ATP2B4: variants seen among roughly 807,000 people sequenced by gnomAD.
ATP2B4 encodes the protein plasma membrane calcium-transporting ATPase 4.
In ATP2B4, 39 loss-of-function variants were observed where a neutral mutation model predicts 110.3. The observed-to-expected ratio is 0.35, with a 90% confidence interval of 0.27 to 0.46. The LOEUF is 0.46. Among genes scored for constraint, ATP2B4 ranks in the 20% least tolerant of loss-of-function variants. The pLI, the probability that ATP2B4 is intolerant of heterozygous loss-of-function variation, is 1.00. For synonymous variants in ATP2B4, 538 were observed against 571.7 expected, an observed-to-expected ratio of 0.94 and a Z score of 0.84; for missense variants, 1,135 against 1,530.9, an observed-to-expected ratio of 0.74 and a Z score of 4.32.
chr1:203,657,947 G>A (rs1289773302), intron 1 of ATP2B4, among the ~76,000 whole-genome samples: 2 of 151,820 alleles, frequency 1.3e-5, no homozygotes, highest in South Asian at 2.1e-4. Context: ...CAAGTGATCC[G>A]CCCCCCTCAA....
In ATP2B4 at chr1:203,683,150, G is replaced by A. The variant is rs1665064624; in HGVS notation, c.-56G>A. The stretch of plus-strand genomic sequence containing the variant: ...ACAGGGAGGCAGGAGACACTGGTCA[G>A]TTGAAGGGAAACGCTACATCTTCTC... On this transcript the variant is annotated 5_prime_UTR_variant, in exon 2 of 21. Coordinates refer to ENST00000357681, the MANE Select transcript of ATP2B4 (RefSeq NM_001684.5). The A allele has an allele frequency of 1.9e-6, 3 of 1,576,288 alleles. No homozygotes were observed. The highest frequency in any genetic ancestry group is 3.5e-5 in the Admixed American group (2 of 57,462).
At position 203,629,682 on chromosome 1, in the gene ATP2B4, G is replaced by A. The variant is rs1663203862; in HGVS notation, c.-465+2463G>A. ...GGGCTCCACCCTCCCGGGCTCTGCT[G>A]TAGTCTGAGAACTCCGTGGAGAATG... On this transcript the variant is annotated intron_variant, in intron 1 of 20. Transcript: ENST00000357681. The surrounding 1 kb of genome is among the most constrained non-coding windows in gnomAD (Gnocchi z 4.6). Among the ~76,000 whole-genome samples the A allele has an allele frequency of 6.6e-6, 1 of 152,196 alleles. No individual in the cohort carries two copies. Among genetic ancestry groups the A allele is most frequent in the Admixed American group, 6.5e-5 (1 of 15,284 alleles).
rs1219765814 is a variant in ATP2B4, at chr1:203,741,360, C to T, written c.*1506C>T. 6.6e-6 allele frequency: 1 copy of T among 152,618 alleles called. No individual in the cohort carries two copies. Among genetic ancestry groups the T allele is most frequent in the Non-Finnish European group, 1.5e-5 (1 of 68,056 alleles). The allele number at this position is 152,618 out of a possible 1,614,324, so 9.5% of individuals were successfully genotyped here. ...GCCCAAAGCATCCCCTTCCCATCTG[C>T]CTCTCAGGAGTTGGGGACTTTGCTA... On this transcript the variant is annotated 3_prime_UTR_variant, in exon 21 of 21. Transcript: ENST00000357681.
rs141764088 is a variant in ATP2B4, at chr1:203,686,314, C to T, written c.193+2916C>T. Among the ~76,000 whole-genome samples the T allele has an allele frequency of 3.9e-5, 6 of 152,234 alleles. No homozygotes were observed. In the East Asian group the frequency reaches 5.8e-4, roughly 15 times the overall value. On this transcript the variant is annotated intron_variant, in intron 2 of 20. Coordinates refer to ENST00000357681, the MANE Select transcript of ATP2B4 (RefSeq NM_001684.5). Reference sequence around the variant, plus strand: ...GCTGTCTGTCTCACAAACAGGAACTCGGGAGTCCAAAGAAGCTGGAACCTA... The same window carrying T: ...GCTGTCTGTCTCACAAACAGGAACTTGGGAGTCCAAAGAAGCTGGAACCTA...
At chr1:203,663,179 C>G (rs1168350385) in intron 1 of ATP2B4, among the ~76,000 whole-genome samples, 1 of 152,120 alleles carries the variant, frequency 6.6e-6, no homozygotes, top group South Asian at 2.1e-4. Context: ...CTTCCTGGTC[C>G]TGATGCACTT....
Position 203,720,687 on chromosome 1 carries a change from A to G in ATP2B4, c.2545A>G (p.Thr849Ala). The change falls in exon 16 of 21, where the codon ACT becomes GCT. Residue 849 changes from threonine (T) to alanine (A), a missense_variant. Around this residue, in one of 9 missense-constraint regions of ATP2B4, gnomAD observed 70 missense variants for 142.4 expected, o/e 0.49. Transcript: ENST00000357681. ...CTCCAAGTTCCTGCAGTTCCAGCTC[A>G]CTGTCAATGTGGTGGCCGTGATTGT... ...SISKFLQFQL[T>A]VNVVAVIVAF... is the part of the protein sequence containing the mutation. 2 of 1,613,596 alleles carry G rather than the reference A, an allele frequency of 1.2e-6. No individual in the cohort carries two copies. Among genetic ancestry groups the G allele is most frequent in the South Asian group, 1.1e-5 (1 of 91,058 alleles).
At chr1:203,650,174 A>C (rs1663935132) in intron 1 of ATP2B4, among the ~76,000 whole-genome samples, 1 of 152,182 alleles carries the variant, frequency 6.6e-6, no homozygotes, top group Admixed American at 6.6e-5. Context: ...CTGCCCCGTA[A>C]AGCTTGGAGC....
rs1666384719 is a variant in ATP2B4, at chr1:203,723,085, G to A, written c.3024+396G>A. Among the ~76,000 whole-genome samples the A allele has an allele frequency of 5.3e-5, 8 of 151,998 alleles. No homozygotes were observed. The South Asian group carries it at 1.7e-3, about 32-fold the overall frequency. On this transcript the variant is annotated intron_variant, in intron 18 of 20. Transcript: ENST00000357681. ...TCTCCCTGTCCCTGCCCTTTGTTCTGAAGGGCTTATGATAAAAAGTGTTGT... is the reference window on the plus strand; with the variant it reads ...TCTCCCTGTCCCTGCCCTTTGTTCTAAAGGGCTTATGATAAAAAGTGTTGT...
At chr1:203,711,147 G>A in intron 12 of ATP2B4, 39 bp downstream of exon 12, 1 of 1,586,382 alleles carries the variant, frequency 6.3e-7, no homozygotes, top group Non-Finnish European at 8.7e-7. Flanking sequence ...CTCAGGAAGT[G>A]GGGTACTAGT....
chr1:203,701,606 C>A (rs377493580), intron 6 of ATP2B4, among the ~76,000 whole-genome samples: 3 of 152,330 alleles, frequency 2.0e-5, no homozygotes. Flanking sequence ...AACACATTCT[C>A]TCAGGAACTA....
rs1184503533 is a variant in ATP2B4, at chr1:203,712,084, T to A, written c.2156T>A (p.Phe719Tyr). Residue 719 changes from phenylalanine (F) to tyrosine (Y), a missense_variant, in exon 13 of 21, where the codon TTC becomes TAC. Phe to Tyr is a conservative substitution (Grantham distance 22, BLOSUM62 3). Transcript: ENST00000357681. ...KCGILTPGDD[F>Y]LCLEGKEFNR... is the part of the protein sequence containing the mutation. Reference sequence around the variant, plus strand: ...GGCATTCTGACACCTGGGGATGACTTCCTGTGCTTAGAAGGCAAAGAATTC... The same window carrying A: ...GGCATTCTGACACCTGGGGATGACTACCTGTGCTTAGAAGGCAAAGAATTC... 6.2e-7 allele frequency: 1 copy of A among 1,614,122 alleles called. No homozygotes were observed. The highest frequency in any genetic ancestry group is 1.1e-5 in the South Asian group (1 of 91,082).
At chr1:203,671,517 AT>A (rs1172930616) in intron 1 of ATP2B4, among the ~76,000 whole-genome samples, 6 of 151,956 alleles carry the variant, frequency 3.9e-5, no homozygotes, top group Non-Finnish European at 7.4e-5. Flanking sequence ...TTGCTATTTT[AT>A]TTTTGGTTGA....
intron 17 of ATP2B4, among the ~76,000 whole-genome samples, chr1:203,721,973 T>C (rs1666351650): frequency 6.6e-6 from 1 of 152,076 alleles, no homozygotes; most frequent in Admixed American, 6.6e-5. Context: ...TTTCTTTTTT[T>C]ACAGATTCAA....
chr1:203,722,660 T>C lies in ATP2B4; in HGVS notation c.2995T>C (p.Ser999Pro). Residue 999 changes from serine (S) to proline (P), a missense_variant, in exon 18 of 21, where the codon TCT becomes CCT. This residue lies in a region of ATP2B4 where 155 missense variants were observed against 186.2 expected (regional missense o/e 0.83). Coordinates refer to ENST00000357681, the MANE Select transcript of ATP2B4 (RefSeq NM_001684.5). ...CATCTACCGCAACATTATCTTCTGC[T>C]CTGTAGTCTTGGGCACATTCATCTG... ...SGIYRNIIFC[S>P]VVLGTFICQI... is the part of the protein sequence containing the mutation. 6.2e-7 allele frequency: 1 copy of C among 1,614,172 alleles called. No homozygotes were observed. The highest frequency in any genetic ancestry group is 2.2e-5 in the East Asian group (1 of 44,886).
intron 1 of ATP2B4, among the ~76,000 whole-genome samples, chr1:203,669,958 CTG>C (rs1363199784): frequency 6.6e-6 from 1 of 152,222 alleles, no homozygotes; most frequent in Non-Finnish European, 1.5e-5. Flanking sequence ...CAATGACCAG[CTG>C]GGGCTGAGTC....
At position 203,683,392 on chromosome 1, in the gene ATP2B4, G is replaced by C. The variant is rs1378910840; in HGVS notation, c.187G>C (p.Val63Leu). 1 of 1,609,996 alleles carries C rather than the reference G, an allele frequency of 6.2e-7. No individual in the cohort carries two copies. Among genetic ancestry groups the C allele is most frequent in the Admixed American group, 1.7e-5 (1 of 59,712 alleles). Residue 63 changes from valine to leucine, a missense_variant, in exon 2 of 21, where the codon GTG (valine) becomes CTG (leucine). Transcript: ENST00000357681. The stretch of plus-strand genomic sequence containing the variant: ...CTGCAGTAGACTGAAAACCTCCCCT[G>C]TGGAAGGTAAAGGCCATATCAGGGG... Reference protein sequence around the residue: ...NLCSRLKTSPVEGLSGNPADL... With the variant: ...NLCSRLKTSPLEGLSGNPADL...
chr1:203,712,214 C>T (rs1383053859), intron 13 of ATP2B4, 75 bp downstream of exon 13: 23 of 1,506,790 alleles, frequency 1.5e-5, no homozygotes, highest in Non-Finnish European at 2.1e-5. Flanking sequence ...GCATCTGGGT[C>T]ATGTGCGGGA....
In ATP2B4 at chr1:203,740,366, G is replaced by A. The variant is rs577353876; in HGVS notation, c.*512G>A. 47 of 154,798 alleles carry A rather than the reference G, an allele frequency of 3.0e-4. No individual in the cohort carries two copies. Among genetic ancestry groups the A allele is most frequent in the Non-Finnish European group, 2.3e-4 (16 of 69,810 alleles). 9.6% of individuals were successfully genotyped at this position (154,798 alleles called of 1,614,324 possible). A position where few individuals can be genotyped will look rare whatever the true frequency, so the allele number is the denominator to read the frequency against. On this transcript the variant is annotated 3_prime_UTR_variant, in exon 21 of 21. Coordinates refer to ENST00000357681, the MANE Select transcript of ATP2B4 (RefSeq NM_001684.5). ...TTTGAAAACTTACACCTAAAGGCCT[G>A]TAGGCCTCTAACTCTTTCTGCCCTT...
Position 203,682,858 on chromosome 1 carries a change from C to G in ATP2B4, c.-348C>G, listed in dbSNP as rs185981570. The G allele has an allele frequency of 5.3e-6, 1 of 187,868 alleles. No homozygotes were observed. The highest frequency in any genetic ancestry group is 2.3e-5 in the African/African-American group (1 of 42,992). The allele number at this position is 187,868 out of a possible 1,614,324, so 11.6% of individuals were successfully genotyped here. A position where few individuals can be genotyped will look rare whatever the true frequency, so the allele number is the denominator to read the frequency against. On this transcript the variant is annotated 5_prime_UTR_variant, in exon 2 of 21. Coordinates refer to ENST00000357681, the MANE Select transcript of ATP2B4 (RefSeq NM_001684.5). ...CATGGTAACATGCACATCCTGTTTACACCTTCATCTGGGCAAGTTGGTCTA... is the reference window on the plus strand; with the variant it reads ...CATGGTAACATGCACATCCTGTTTAGACCTTCATCTGGGCAAGTTGGTCTA...
Sources: gnomAD v4.1 joint callset for allele counts (sites outside exome capture counted in the v4.1 genomes callset) on GRCh38, gnomAD v4.1.1 for gene constraint, gnomAD v4.1.1 regional missense constraint, Gnocchi (gnomAD v3.1) non-coding constraint, MANE v1.5 for transcripts, NCBI Gene and HGNC (gene_info 2026-07-23, HGNC 2026-07-21) for gene names.